COPA: variants seen among roughly 807,000 people sequenced by gnomAD.
The protein encoded by COPA is coatomer subunit alpha.
COPA carries 10 observed loss-of-function variants against 158.7 expected under a neutral mutation model. The observed-to-expected ratio is 0.06, with a 90% CI of 0.04 to 0.11. The LOEUF (loss-of-function observed/expected upper bound fraction) is 0.11, where lower values mean the gene tolerates loss of function less well. Ranked by LOEUF, COPA falls within the 10% of genes least tolerant of loss-of-function variation. The probability of loss-of-function intolerance (pLI) is 1.00; values close to 1 mark genes in which losing one functional copy is unlikely to be tolerated. For synonymous variants in COPA, 462 were observed against 542.8 expected, an observed-to-expected ratio of 0.85 and a Z score of 2.07; for missense variants, 1,065 against 1,536.7, an observed-to-expected ratio of 0.69 and a Z score of 5.13.
chr1:160,294,851 C>T lies in COPA; in HGVS notation c.2483G>A (p.Gly828Glu), dbSNP rs144241395. The T allele has an allele frequency of 1.5e-4, 243 of 1,614,060 alleles. 1 individual carries two copies. In the African/African-American group the frequency reaches 2.9e-3, roughly 19 times the overall value. ...FEGTIASKGK[G>E]GALAADIDID... ...GTCAATGTCAGCAGCCAGTGCTCCT[C>T]CCTTCCCTACAGAGGGAAGGAACAG... The change falls in exon 24 of 33, where the codon GGA (glycine) becomes GAA (glutamate). Residue 828 changes from glycine (G) to glutamate (E), a missense_variant. Gly to Glu is a moderately conservative substitution (Grantham distance 98, BLOSUM62 -2). Coordinates refer to ENST00000241704, the MANE Select transcript of COPA (RefSeq NM_004371.4).
At chr1:160,335,661 A>G (rs1571184859) in intron 3 of COPA, among the ~76,000 whole-genome samples, 1 of 151,946 alleles carries the variant, frequency 6.6e-6, no homozygotes, top group African/African-American at 2.4e-5. Context: ...AGGCGGGTGG[A>G]TCACAAGGTC....
At chr1:160,326,746 T>C (rs1216292929) in intron 6 of COPA, among the ~76,000 whole-genome samples, 1 of 152,234 alleles carries the variant, frequency 6.6e-6, no homozygotes, top group African/African-American at 2.4e-5. Flanking sequence ...ATTAAAACTG[T>C]CATGTCATTT....
At chr1:160,306,017 G>A (rs768924945) in intron 15 of COPA, 128 of 583,140 alleles carry the variant, frequency 2.2e-4, no homozygotes, top group Non-Finnish European at 3.6e-4. Context: ...TAGGGAATCT[G>A]TGTATGTCTG....
chr1:160,319,331 G>A lies in COPA; in HGVS notation c.706+4100C>T, dbSNP rs113594244. ...GATAAAGGGGTCAATTCAGCAAGAG[G>A]AAATAACAATTATAAGTATCTGTGC... On this transcript the variant is annotated intron_variant, in intron 8 of 32. Transcript: ENST00000241704. Among the ~76,000 whole-genome samples the A allele has an allele frequency of 7.5e-3, 1,138 of 151,776 alleles. 21 individuals are homozygous for A. The highest frequency in any genetic ancestry group is 0.026 in the African/African-American group (1,079 of 41,354).
chr1:160,315,713 T>C (rs764221478), intron 8 of COPA, among the ~76,000 whole-genome samples: 1 of 152,158 alleles, frequency 6.6e-6, no homozygotes, highest in Non-Finnish European at 1.5e-5. Flanking sequence ...TACAAAGACA[T>C]AGGTGTATAC....
intron 8 of COPA, among the ~76,000 whole-genome samples, chr1:160,315,423 C>A (rs1229597246): frequency 6.6e-6 from 1 of 152,230 alleles, no homozygotes; most frequent in Non-Finnish European, 1.5e-5. Context: ...GGCTGCTCAG[C>A]AGCACTGCAT....
chr1:160,302,971 G>A (rs1016087796), intron 17 of COPA, among the ~76,000 whole-genome samples: 1 of 152,064 alleles, frequency 6.6e-6, no homozygotes, highest in Admixed American at 6.5e-5. Flanking sequence ...TCAGGAGTTC[G>A]AGACCAGCCT....
chr1:160,324,113 G>A (rs1297677073), intron 7 of COPA, among the ~76,000 whole-genome samples: 1 of 151,940 alleles, frequency 6.6e-6, no homozygotes, highest in African/African-American at 2.4e-5. Context: ...CACTTGCCTC[G>A]GCCTCCCACA....
intron 25 of COPA, among the ~76,000 whole-genome samples, chr1:160,293,864 T>A (rs552717356): frequency 6.6e-6 from 1 of 152,248 alleles, no homozygotes; most frequent in South Asian, 2.1e-4. Flanking sequence ...CCATTTACAT[T>A]GTTCCCTGCC....
rs1557877531 is a variant in COPA, at chr1:160,339,156, TTTATTTCTCCTTATTGGCCATCAC to T, written c.228+729_228+752del. On this transcript the variant is annotated intron_variant, in intron 3 of 32. Transcript: ENST00000241704. The stretch of plus-strand genomic sequence containing the variant: ...TTATTTCTCCTTATTGGCCATCTCA[TTTATTTCTCCTTATTGGCCATCAC>T]CCAACAGACACACTGATTCATTTCC... 3.9e-5 allele frequency among the ~76,000 whole-genome samples: 5 copies of T among 127,134 alleles called. No individual in the cohort carries two copies. The East Asian group carries it at 1.2e-3, about 29-fold the overall frequency. 83.4% of individuals were successfully genotyped at this position (127,134 alleles called of 152,430 possible). A position where few individuals can be genotyped will look rare whatever the true frequency, so the allele number is the denominator to read the frequency against.
chr1:160,299,371 T>A, intron 17 of COPA, 107 bp from the exon 18 acceptor site: 2 of 1,074,184 alleles, frequency 1.9e-6, no homozygotes, highest in Middle Eastern at 3.1e-4. Flanking sequence ...ATTTGAACAA[T>A]GATATAGATG....
At chr1:160,290,279 T>C (rs1370238055) in intron 32 of COPA, 63 bp from the exon 33 acceptor site, 1 of 1,579,888 alleles carries the variant, frequency 6.3e-7, no homozygotes. Context: ...CTAGAAAATG[T>C]ATTCCCTATA....
Position 160,331,564 on chromosome 1 carries a change from T to G in COPA, c.496+884A>C, listed in dbSNP as rs1049780267. Among the ~76,000 whole-genome samples, 4 of 151,780 alleles carry G rather than the reference T, an allele frequency of 2.6e-5. No individual in the cohort carries two copies. The South Asian group carries it at 8.4e-4, about 32-fold the overall frequency. ...GTTACTTATGAGGCACAAGAAACGC[T>G]TGAATCCGGGAGGCAGAGGTTGTAG... On this transcript the variant is annotated intron_variant, in intron 6 of 32. Transcript: ENST00000241704.
At chr1:160,331,010 C>T (rs1474906894) in intron 6 of COPA, among the ~76,000 whole-genome samples, 1 of 150,380 alleles carries the variant, frequency 6.6e-6, no homozygotes, top group African/African-American at 2.5e-5. Context: ...CCTGTCTCTA[C>T]TAAAAATACA....
intron 17 of COPA, among the ~76,000 whole-genome samples, chr1:160,301,364 A>G (rs1052408158): frequency 6.6e-6 from 1 of 152,242 alleles, no homozygotes; most frequent in African/African-American, 2.4e-5. Flanking sequence ...ATGTTCAATC[A>G]GTAACACAAA....
intron 7 of COPA, among the ~76,000 whole-genome samples, chr1:160,324,136 C>T (rs570982646): frequency 6.6e-6 from 1 of 152,102 alleles, no homozygotes; most frequent in South Asian, 2.1e-4. Flanking sequence ...GCTGGGATTA[C>T]AGGCGTGAGC....
intron 6 of COPA, among the ~76,000 whole-genome samples, chr1:160,330,253 T>G (rs1000774453): frequency 6.6e-6 from 1 of 152,106 alleles, no homozygotes; most frequent in East Asian, 1.9e-4. Context: ...TGGAAAGCCA[T>G]AGCAAGGTTA....
At position 160,312,971 on chromosome 1, in the gene COPA, CCTTCTT is replaced by C. The variant is rs1169427546; in HGVS notation, c.925+108_925+113del. ...GCTTCAACTAAGTGGCTCTGAGAGTCCTTCTTCTTCTTGTCATCCTACTATACATTT... is the reference window on the plus strand; with the variant it reads ...GCTTCAACTAAGTGGCTCTGAGAGTCCTTCTTGTCATCCTACTATACATTT... On this transcript the variant is annotated intron_variant, in intron 10 of 32. Coordinates refer to ENST00000241704, the MANE Select transcript of COPA (RefSeq NM_004371.4). 4.4e-6 allele frequency: 4 copies of C among 904,046 alleles called. No homozygotes were observed. The East Asian group carries it at 1.0e-4, about 23-fold the overall frequency. 56.0% of individuals were successfully genotyped at this position (904,046 alleles called of 1,614,324 possible).
rs750174248 is a variant in COPA, at chr1:160,333,692, C to T, written c.310-13G>A. Reference sequence around the variant, plus strand: ...TCCAGGGATATTCCTGAAAGATATTCCAGACAAAGGCTTTAAACATTAAAC... The same window carrying T: ...TCCAGGGATATTCCTGAAAGATATTTCAGACAAAGGCTTTAAACATTAAAC... On this transcript the variant is annotated splice_polypyrimidine_tract_variant and intron_variant, in intron 4 of 32. Coordinates refer to ENST00000241704, the MANE Select transcript of COPA (RefSeq NM_004371.4). 1 of 1,602,086 alleles carries T rather than the reference C, an allele frequency of 6.2e-7. No individual in the cohort carries two copies.
Sources: allele counts gnomAD v4.1 joint callset (sites outside exome capture counted in the v4.1 genomes callset), GRCh38; gene constraint gnomAD v4.1.1; transcripts MANE v1.5; gene names NCBI Gene and HGNC (gene_info 2026-07-23, HGNC 2026-07-21).